Variants in FGD1 observed in about 807,000 individuals in gnomAD.
FGD1 encodes FYVE, RhoGEF and PH domain containing 1, also known as FYVE, RhoGEF and PH domain-containing protein 1.
In FGD1, 12 loss-of-function variants were observed where a neutral mutation model predicts 65.0. That is an observed-to-expected ratio of 0.18 (90% CI 0.12 to 0.30). The LOEUF (loss-of-function observed/expected upper bound fraction) is 0.30, where lower values mean the gene tolerates loss of function less well. Ranked by LOEUF, FGD1 falls within the 10% of genes least tolerant of loss-of-function variation. The pLI is 1.00. For synonymous variants in FGD1, 333 were observed against 343.9 expected, an observed-to-expected ratio of 0.97 and a Z score of 0.35; for missense variants, 542 against 837.6, an observed-to-expected ratio of 0.65 and a Z score of 4.36.
rs760846277 is a variant in FGD1 at position 54,467,882 on chromosome X, C to T, written c.1242G>A (p.Pro414=). Reference sequence around the variant, plus strand: ...AGAAGATGCCGTGGACAACGTCGGCCGGGAAGGAACTGCGGTTCCGAGCTT... The same window carrying T: ...AGAAGATGCCGTGGACAACGTCGGCTGGGAAGGAACTGCGGTTCCGAGCTT... The part of the protein sequence containing the change: ...LEEARNRSSF[P]ADVVHGIFSN... The change falls in exon 6 of 18, where the codon CCG becomes CCA. Residue 414 remains proline (P), a synonymous_variant. Transcript: ENST00000375135. 3 of 1,175,384 alleles carry T rather than the reference C, an allele frequency of 2.6e-6. No individual in the cohort carries two copies. Among genetic ancestry groups the T allele is most frequent in the East Asian group, 3.2e-5 (1 of 31,662 alleles).
rs1448012579 is a variant in FGD1 at position 54,445,801 on chromosome X, G to C, written c.*308C>G. On this transcript the variant is annotated 3_prime_UTR_variant, in exon 18 of 18. Transcript: ENST00000375135. ...TTTGTGGGGAACTGGGTGGAGGCAGGATCTGTGGTAGGGTATTGAGGGATG... is the reference window on the plus strand; with the variant it reads ...TTTGTGGGGAACTGGGTGGAGGCAGCATCTGTGGTAGGGTATTGAGGGATG... 3 of 251,733 alleles carry C rather than the reference G, an allele frequency of 1.2e-5. No individual in the cohort carries two copies. The Admixed American group carries it at 2.1e-4, about 17-fold the overall frequency. The allele number at this position is 251,733 out of a possible 1,213,427, so 20.7% of individuals were successfully genotyped here.
rs764199802 is a variant in FGD1, at chrX:54,447,292, G to C, written c.2580+19C>G. 2.5e-6 allele frequency: 3 copies of C among 1,210,891 alleles called. No individual in the cohort carries two copies. In the Admixed American group the frequency reaches 6.5e-5, roughly 26 times the overall value. On this transcript the variant is annotated intron_variant, in intron 17 of 17. Transcript: ENST00000375135. ...CTTTGCCAGGTGGCTGAAAGGACCCGAAGGAGTAGGATGCATACCTGAGGG... is the reference window on the plus strand; with the variant it reads ...CTTTGCCAGGTGGCTGAAAGGACCCCAAGGAGTAGGATGCATACCTGAGGG...
intron 8 of FGD1, among the ~76,000 whole-genome samples, chrX:54,458,541 A>C (rs1922562256): frequency 2.5e-5 from 2 of 78,665 alleles, no homozygotes; most frequent in African/African-American, 9.5e-5. Flanking sequence ...ACTACGTCTC[A>C]AAAAAAAAAA....
chrX:54,484,203 C>T (rs1311451681), intron 1 of FGD1, among the ~76,000 whole-genome samples: 1 of 112,177 alleles, frequency 8.9e-6, no homozygotes, highest in African/African-American at 3.2e-5. Context: ...GTCTGCCTCT[C>T]CCTACCTCTG....
intron 6 of FGD1, among the ~76,000 whole-genome samples, chrX:54,467,310 T>C (rs1006300815): frequency 9.1e-6 from 1 of 110,289 alleles, no homozygotes; most frequent in Non-Finnish European, 1.9e-5. Context: ...CACATCAGAC[T>C]GGGAGGTCCT....
Position 54,480,854 on chromosome X carries a change from G to A in FGD1, c.308-9367C>T, listed in dbSNP as rs763629270. Among the ~76,000 whole-genome samples the A allele has an allele frequency of 2.3e-4, 26 of 110,861 alleles. No homozygotes were observed. The East Asian group carries it at 6.5e-3, about 28-fold the overall frequency. On this transcript the variant is annotated intron_variant, in intron 1 of 17. Coordinates refer to ENST00000375135, the MANE Select transcript of FGD1 (RefSeq NM_004463.3). ...TTTAGTAGAAACGAGGTTTCACCAC[G>A]TTGGCCAGGCTGGTCTTGAACTCCT...
At chrX:54,488,865 G>A (rs1923350929) in intron 1 of FGD1, among the ~76,000 whole-genome samples, 1 of 111,110 alleles carries the variant, frequency 9.0e-6, no homozygotes, top group South Asian at 3.8e-4. Flanking sequence ...ACTGAAACTG[G>A]ACCCCTTCCT....
At chrX:54,478,717 C>T (rs1032295010) in intron 1 of FGD1, among the ~76,000 whole-genome samples, 1 of 109,035 alleles carries the variant, frequency 9.2e-6, no homozygotes, top group African/African-American at 3.4e-5. Context: ...CCCCACCCCA[C>T]CACACACACA....
chrX:54,487,641 G>A (rs1163889640), intron 1 of FGD1, among the ~76,000 whole-genome samples: 1 of 112,053 alleles, frequency 8.9e-6, no homozygotes, highest in Non-Finnish European at 1.9e-5. Flanking sequence ...AATAGCCAAG[G>A]CAATCCTAAG....
intron 13 of FGD1, among the ~76,000 whole-genome samples, chrX:54,449,976 A>G (rs1922340310): frequency 9.0e-6 from 1 of 111,133 alleles, no homozygotes. Context: ...GTGGTGGCTG[A>G]AAAACCTCAG....
chrX:54,449,865 G>C, intron 13 of FGD1, 105 bp from the exon 14 acceptor site: 2 of 584,472 alleles, frequency 3.4e-6, no homozygotes, highest in South Asian at 5.2e-5. Flanking sequence ...AGAAAAGCTG[G>C]GTTTCAAACC....
rs1211931652 is a variant in FGD1, at chrX:54,470,169, G to A, written c.948C>T (p.Ala316=). The part of the protein sequence containing the change: ...PSHSLCPGPP[A]LASVPVALAD... ...CCAAGGCAACAGGCACACTAGCCAG[G>A]GCAGGGGGCCCAGGGCAGAGGCTGT... Residue 316 remains alanine, a synonymous_variant, in exon 4 of 18, where the codon GCC becomes GCT. Coordinates refer to ENST00000375135, the MANE Select transcript of FGD1 (RefSeq NM_004463.3). 8.3e-7 allele frequency: 1 copy of A among 1,208,780 alleles called. No homozygotes were observed. The highest frequency in any genetic ancestry group is 1.7e-5 in the African/African-American group (1 of 57,256).
chrX:54,478,669 C>G (rs1923073390), intron 1 of FGD1, among the ~76,000 whole-genome samples: 1 of 110,797 alleles, frequency 9.0e-6, no homozygotes, highest in Admixed American at 9.7e-5. Context: ...TTTGGGGGAG[C>G]CTATGGGACA....
chrX:54,456,675 C>T, intron 8 of FGD1, 108 bp from the exon 9 acceptor site: 1 of 608,534 alleles, frequency 1.6e-6, no homozygotes, highest in Non-Finnish European at 2.6e-6. Context: ...CTCTGTTGCC[C>T]AGGCTGGAGT....
chrX:54,488,990 C>T (rs755081682), intron 1 of FGD1, among the ~76,000 whole-genome samples: 1 of 111,903 alleles, frequency 8.9e-6, no homozygotes, highest in African/African-American at 3.2e-5. Flanking sequence ...TAGGACCTGG[C>T]AAAGATTTCA....
Position 54,468,771 on chromosome X carries a change from C to G in FGD1, c.1191+16G>C. On this transcript the variant is annotated intron_variant, in intron 5 of 17. Transcript: ENST00000375135. ...ACAAGGTCCTGGGGCCCTCGTACCC[C>G]CAAGGGGCCACTCACCTGATCCAGG... 3.4e-6 allele frequency: 4 copies of G among 1,179,927 alleles called. No homozygotes were observed. Among genetic ancestry groups the G allele is most frequent in the Non-Finnish European group, 3.5e-6 (3 of 868,973 alleles).
rs1429916236 is a variant in FGD1, at chrX:54,457,758, ACTT to A, written c.1637-1194_1637-1192del. On this transcript the variant is annotated intron_variant, in intron 8 of 17. Coordinates refer to ENST00000375135, the MANE Select transcript of FGD1 (RefSeq NM_004463.3). ...TCAGATAACAGGGGATTTTTTTCCTACTTCTTTCATCTTTTTCTGTAATTTCCA... is the reference window on the plus strand; with the variant it reads ...TCAGATAACAGGGGATTTTTTTCCTACTTTCATCTTTTTCTGTAATTTCCA... Among the ~76,000 whole-genome samples, 4 of 109,717 alleles carry A rather than the reference ACTT, an allele frequency of 3.6e-5. No individual in the cohort carries two copies. The Admixed American group carries it at 3.9e-4, about 11-fold the overall frequency.
intron 8 of FGD1, among the ~76,000 whole-genome samples, chrX:54,464,575 A>G (rs1922719345): frequency 9.0e-6 from 1 of 111,696 alleles, no homozygotes; most frequent in South Asian, 3.7e-4. Context: ...GGAGGTGCTC[A>G]GTAAGTAGCT....
rs185771737 is a variant in FGD1, at chrX:54,448,769, C to A, written c.2436+37G>T. On this transcript the variant is annotated intron_variant, in intron 16 of 17. Coordinates refer to ENST00000375135, the MANE Select transcript of FGD1 (RefSeq NM_004463.3). ...ACTGGGTAGAGTTGGAACCCATTTG[C>A]CCACTGTGGGAGAGTTAGTCAGGGG... 8.3e-5 allele frequency: 100 copies of A among 1,199,420 alleles called. No individual in the cohort carries two copies. In the African/African-American group the frequency reaches 1.5e-3, roughly 18 times the overall value.
Sources: allele counts gnomAD v4.1 joint callset (sites outside exome capture counted in the v4.1 genomes callset), GRCh38; gene constraint gnomAD v4.1.1; transcripts MANE v1.5; gene names NCBI Gene and HGNC (gene_info 2026-07-23, HGNC 2026-07-21).